CACNA1A: variants seen among roughly 807,000 people sequenced by gnomAD.
The protein encoded by CACNA1A is voltage-dependent P/Q-type calcium channel subunit alpha-1A.
CACNA1A carries 57 observed loss-of-function variants against 262.4 expected under a neutral mutation model. That is an observed-to-expected ratio of 0.22 (90% confidence interval 0.18 to 0.27). The LOEUF is 0.27. Ranked by LOEUF, CACNA1A falls within the 10% of genes least tolerant of loss-of-function variation. The probability of loss-of-function intolerance (pLI) is 1.00; values close to 1 mark genes in which losing one functional copy is unlikely to be tolerated. For missense variants in CACNA1A, 2,526 were observed against 3,562.8 expected (o/e 0.71, Z 7.41); for synonymous variants, 1,431 against 1,419.3 (o/e 1.01, Z -0.18).
At chr19:13,255,054 TG>T in intron 29 of CACNA1A, 40 bp downstream of exon 29, 1 of 1,597,278 alleles carries the variant, frequency 6.3e-7, no homozygotes, top group Non-Finnish European at 8.6e-7. Context: ...AGGAACGAGG[TG>T]GGGGTTAAGT....
Position 13,359,837 on chromosome 19 carries a change from C to T in CACNA1A, c.785-38G>A, listed in dbSNP as rs553570954. ...AGGGGAGAAAAGTCAGGGGAAGGAG[C>T]AGGGAAAACCAGCTCTGAGAAATAG... On this transcript the variant is annotated intron_variant, in intron 5 of 46. Transcript: ENST00000360228. 19 of 1,394,464 alleles carry T rather than the reference C, an allele frequency of 1.4e-5. No individual in the cohort carries two copies. The African/African-American group carries it at 2.5e-4, about 18-fold the overall frequency. The allele number at this position is 1,394,464 out of a possible 1,614,324, so 86.4% of individuals were successfully genotyped here.
chr19:13,447,773 A>G (rs1244288681), intron 3 of CACNA1A, among the ~76,000 whole-genome samples: 2 of 152,208 alleles, frequency 1.3e-5, no homozygotes, highest in East Asian at 3.9e-4. Flanking sequence ...GAGGGCAGGA[A>G]GCATTCAGCA....
chr19:13,317,223 T>C lies in CACNA1A; in HGVS notation c.1444A>G (p.Met482Val), dbSNP rs1555762900. The change falls in exon 11 of 47, where the codon ATG (methionine) becomes GTG (valine). Residue 482 changes from methionine to valine, a missense_variant. Met to Val is a conservative substitution (Grantham distance 21, BLOSUM62 1). This residue lies in a region of CACNA1A where 104 missense variants were observed against 127.6 expected (regional missense o/e 0.81). Transcript: ENST00000360228. ...ERRMRFYIRR[M>V]VKTQAFYWTV... ...CAGTAGAAGGCCTGAGTTTTGACCA[T>C]GCGGCGGATGTAGAAACGCATCCTC... The C allele has an allele frequency of 1.2e-6, 2 of 1,613,752 alleles. No homozygotes were observed. Among genetic ancestry groups the C allele is most frequent in the Middle Eastern group, 1.7e-4 (1 of 6,060 alleles).
At chr19:13,372,977 A>C (rs2059350027) in intron 3 of CACNA1A, among the ~76,000 whole-genome samples, 1 of 152,208 alleles carries the variant, frequency 6.6e-6, no homozygotes, top group Non-Finnish European at 1.5e-5. Context: ...ACAGGGTCCC[A>C]CCTGGCCCTG....
At position 13,317,224 on chromosome 19, in the gene CACNA1A, G is replaced by A. The variant is rs2058145379; in HGVS notation, c.1443C>T (p.Arg481=). The change falls in exon 11 of 47, where the codon CGC becomes CGT. Residue 481 remains arginine, a synonymous_variant. Transcript: ENST00000360228. The part of the protein sequence containing the change: ...KERRMRFYIR[R]MVKTQAFYWT... Reference sequence around the variant, plus strand: ...AGTAGAAGGCCTGAGTTTTGACCATGCGGCGGATGTAGAAACGCATCCTCC... The same window carrying A: ...AGTAGAAGGCCTGAGTTTTGACCATACGGCGGATGTAGAAACGCATCCTCC... 2 of 1,613,728 alleles carry A rather than the reference G, an allele frequency of 1.2e-6. No homozygotes were observed. Among genetic ancestry groups the A allele is most frequent in the Admixed American group, 1.7e-5 (1 of 59,994 alleles).
intron 3 of CACNA1A, among the ~76,000 whole-genome samples, chr19:13,407,112 A>G (rs1858920956): frequency 6.6e-6 from 1 of 152,178 alleles, no homozygotes; most frequent in South Asian, 2.1e-4. Context: ...CGTCAGTAAA[A>G]TATTTTGCTC....
intron 38 of CACNA1A, among the ~76,000 whole-genome samples, chr19:13,215,625 T>A (rs982872312): frequency 4.6e-5 from 7 of 150,944 alleles, no homozygotes; most frequent in African/African-American, 1.7e-4. Flanking sequence ...TGGCCTGTTT[T>A]TTTTTTTTTT....
intron 28 of CACNA1A, among the ~76,000 whole-genome samples, chr19:13,255,777 T>TTCTCTCCCTCCC: frequency 1.1e-5 from 1 of 89,992 alleles, no homozygotes; most frequent in Non-Finnish European, 2.2e-5. Flanking sequence ...CCCTCCCTCC[T>TTCTCTCCCTCCC]TTCCTTCCTT....
Position 13,257,600 on chromosome 19 carries a change from A to G in CACNA1A, c.4389-49T>C, listed in dbSNP as rs1417319026. ...GGGAAGGGGCAGGAAGGAGAGAGACAGGGACCCAAGGGGTGATGAGGAAGG... is the reference window on the plus strand; with the variant it reads ...GGGAAGGGGCAGGAAGGAGAGAGACGGGGACCCAAGGGGTGATGAGGAAGG... On this transcript the variant is annotated intron_variant, in intron 27 of 46. Coordinates refer to ENST00000360228, the MANE Select transcript of CACNA1A (RefSeq NM_001127222.2). The G allele has an allele frequency of 1.3e-5, 16 of 1,258,384 alleles. 1 individual carries two copies. The Middle Eastern group carries it at 9.4e-4, about 74-fold the overall frequency. 78.0% of individuals were successfully genotyped at this position (1,258,384 alleles called of 1,614,324 possible). A position where few individuals can be genotyped will look rare whatever the true frequency, so the allele number is the denominator to read the frequency against.
Position 13,214,451 on chromosome 19 carries a change from C to A in CACNA1A, c.5839+50G>T, listed in dbSNP as rs767035894. 6.4e-6 allele frequency: 10 copies of A among 1,559,714 alleles called. 1 individual carries two copies. In the South Asian group the frequency reaches 1.0e-4, roughly 16 times the overall value. On this transcript the variant is annotated intron_variant, in intron 39 of 46. Coordinates refer to ENST00000360228, the MANE Select transcript of CACNA1A (RefSeq NM_001127222.2). This position sits in a 1 kb window ranked among gnomAD's most constrained non-coding sequence, Gnocchi z 4.1. ...TCCCCAGGCCTCCCCTTTCCCTCCC[C>A]CTCCATCTGTCCTGGTGGATTGGAT...
intron 1 of CACNA1A, among the ~76,000 whole-genome samples, chr19:13,463,517 C>T (rs1030087845): frequency 1.3e-5 from 2 of 152,106 alleles, no homozygotes; most frequent in African/African-American, 2.4e-5. Flanking sequence ...CCACGGCCAG[C>T]GGCAAAGAGG....
At chr19:13,381,528 G>A (rs2059523340) in intron 3 of CACNA1A, among the ~76,000 whole-genome samples, 2 of 152,216 alleles carry the variant, frequency 1.3e-5, no homozygotes, top group African/African-American at 4.8e-5. Context: ...AACAGCACAA[G>A]TGCAGAGAAA....
chr19:13,467,825 G>A (rs1226876539), intron 1 of CACNA1A, among the ~76,000 whole-genome samples: 16 of 151,774 alleles, frequency 1.1e-4, no homozygotes, highest in African/African-American at 2.4e-5. Flanking sequence ...GGCTAGTCTC[G>A]AACTCCTGAC....
At chr19:13,284,443 T>C (rs1335767478) in intron 21 of CACNA1A, 1 of 152,252 alleles carries the variant, frequency 6.6e-6, no homozygotes, top group Non-Finnish European at 1.5e-5. Flanking sequence ...TGATCCTTCA[T>C]TGTCAAGAAG....
rs1025223076 is a variant in CACNA1A, at chr19:13,444,286, T to C, written c.539+8590A>G. Among the ~76,000 whole-genome samples the C allele has an allele frequency of 3.3e-5, 5 of 152,190 alleles. No individual in the cohort carries two copies. The East Asian group carries it at 9.6e-4, about 29-fold the overall frequency. On this transcript the variant is annotated intron_variant, in intron 3 of 46. Coordinates refer to ENST00000360228, the MANE Select transcript of CACNA1A (RefSeq NM_001127222.2). ...ACTGCAGAGAGACATTAAAATAAAA[T>C]GCTGCTGGTATTTATAGGAACTGTT...
rs1201892162 is a variant in CACNA1A, at chr19:13,402,873, C to CACATATATAT, written c.540-31095_540-31094insATATATATGT. The stretch of plus-strand genomic sequence containing the variant: ...ATATATATATACACACACACACACA[C>CACATATATAT]ATATATATATATATATATATATATA... On this transcript the variant is annotated intron_variant, in intron 3 of 46. Transcript: ENST00000360228. 1.1e-3 allele frequency among the ~76,000 whole-genome samples: 81 copies of CACATATATAT among 72,788 alleles called. 1 individual carries two copies. The highest frequency in any genetic ancestry group is 1.7e-3 in the Non-Finnish European group (60 of 35,466). 47.8% of individuals were successfully genotyped at this position (72,788 alleles called of 152,430 possible). A position where few individuals can be genotyped will look rare whatever the true frequency, so the allele number is the denominator to read the frequency against.
intron 1 of CACNA1A, among the ~76,000 whole-genome samples, chr19:13,483,627 A>T (rs1304200090): frequency 6.6e-6 from 1 of 152,198 alleles, no homozygotes; most frequent in Admixed American, 6.5e-5. Flanking sequence ...GGTCTTGGGC[A>T]GACTGGAGGG....
chr19:13,229,937 T>C lies in CACNA1A; in HGVS notation c.5528+145A>G, dbSNP rs1600126631. 5 of 894,496 alleles carry C rather than the reference T, an allele frequency of 5.6e-6. No homozygotes were observed. In the East Asian group the frequency reaches 1.3e-4, roughly 24 times the overall value. The allele number at this position is 894,496 out of a possible 1,614,324, so 55.4% of individuals were successfully genotyped here. ...GGGTATGCAAGGGTGATGATTCTTA[T>C]ATCTTCTCTCCTGACTGAACCTGTG... is the stretch of plus-strand genomic sequence containing the variant. On this transcript the variant is annotated intron_variant, in intron 36 of 46. Transcript: ENST00000360228.
intron 9 of CACNA1A, among the ~76,000 whole-genome samples, chr19:13,331,382 G>A (rs1180917392): frequency 5.3e-5 from 8 of 151,950 alleles, no homozygotes; most frequent in South Asian, 2.1e-4. Context: ...GATTACAGGC[G>A]TGTGCCATGA....
Sources: gnomAD v4.1 joint callset for allele counts (sites outside exome capture counted in the v4.1 genomes callset) on GRCh38, gnomAD v4.1.1 for gene constraint, gnomAD v4.1.1 regional missense constraint, Gnocchi (gnomAD v3.1) non-coding constraint, MANE v1.5 for transcripts, NCBI Gene and HGNC (gene_info 2026-07-23, HGNC 2026-07-21) for gene names.